Variants in GRM8 observed in about 807,000 individuals in gnomAD.
GRM8 encodes the protein metabotropic glutamate receptor 8.
A neutral mutation model predicts 87.2 loss-of-function variants in GRM8; 47 were observed. The observed-to-expected ratio is 0.54, with a 90% CI of 0.43 to 0.69. The LOEUF (loss-of-function observed/expected upper bound fraction) is 0.69, where lower values mean the gene tolerates loss of function less well. Among genes scored for constraint, GRM8 ranks in the 30% least tolerant of loss-of-function variants. The pLI is 0.00. For synonymous variants in GRM8, 396 were observed against 404.5 expected (o/e 0.98, Z 0.25); for missense variants, 1,019 against 1,139.2 (o/e 0.89, Z 1.52).
intron 3 of GRM8, among the ~76,000 whole-genome samples, chr7:126,964,851 C>T (rs1011180417): frequency 3.3e-5 from 5 of 152,164 alleles, no homozygotes; most frequent in South Asian, 2.1e-4. Context: ...TGTAAACACA[C>T]ATGCACACAT....
chr7:126,610,863 A>G (rs1439449557), intron 7 of GRM8, among the ~76,000 whole-genome samples: 3 of 152,246 alleles, frequency 2.0e-5, no homozygotes, highest in African/African-American at 7.2e-5. Flanking sequence ...GACATCTGGT[A>G]TCATCAGGAA....
chr7:126,591,038 A>G (rs1323432160), intron 8 of GRM8, among the ~76,000 whole-genome samples: 5 of 152,140 alleles, frequency 3.3e-5, no homozygotes, highest in Admixed American at 3.3e-4. Flanking sequence ...CAATACCAAC[A>G]TTGAATGTAA....
At chr7:127,019,433 T>A (rs1388614416) in intron 3 of GRM8, among the ~76,000 whole-genome samples, 1 of 152,106 alleles carries the variant, frequency 6.6e-6, no homozygotes. Context: ...TTATTTATCA[T>A]AAGTAACATG....
chr7:126,640,051 A>G (rs776330408), intron 7 of GRM8, among the ~76,000 whole-genome samples: 15 of 152,370 alleles, frequency 9.8e-5, no homozygotes, highest in Non-Finnish European at 1.8e-4. Context: ...TAACCAGAAC[A>G]CACAGACCAT....
At chr7:126,440,513 C>A (rs531013016) in intron 10 of GRM8, among the ~76,000 whole-genome samples, 21 of 151,822 alleles carry the variant, frequency 1.4e-4, no homozygotes, top group Non-Finnish European at 2.5e-4. Context: ...ACTTCTAGTC[C>A]TACAAGCTCC....
chr7:126,442,003 TGA>T (rs1801522598), intron 10 of GRM8, among the ~76,000 whole-genome samples: 1 of 43,736 alleles, frequency 2.3e-5, no homozygotes, highest in African/African-American at 1.4e-4. Context: ...GCAAAATGCG[TGA>T]AAAAAAAAAA....
At chr7:126,674,830 G>C (rs1806768225) in intron 7 of GRM8, among the ~76,000 whole-genome samples, 1 of 152,016 alleles carries the variant, frequency 6.6e-6, no homozygotes, top group Non-Finnish European at 1.5e-5. Context: ...AATAATAGGG[G>C]GAAAAAAGAA....
chr7:126,441,565 G>A (rs1310628317), intron 10 of GRM8, among the ~76,000 whole-genome samples: 1 of 151,994 alleles, frequency 6.6e-6, no homozygotes, highest in Non-Finnish European at 1.5e-5. Context: ...ACTTTAAAAA[G>A]CAAAGAATGT....
chr7:127,246,958 CAGA>C (rs1798613617), intron 1 of GRM8, among the ~76,000 whole-genome samples: 1 of 152,224 alleles, frequency 6.6e-6, no homozygotes, highest in Non-Finnish European at 1.5e-5. Flanking sequence ...TCATCTGTCC[CAGA>C]AGGTGGGTCC....
chr7:127,156,645 G>A (rs1792749663), intron 2 of GRM8, among the ~76,000 whole-genome samples: 1 of 152,126 alleles, frequency 6.6e-6, no homozygotes. Context: ...ACTGATACCT[G>A]AAGCAGACAA....
intron 2 of GRM8, among the ~76,000 whole-genome samples, chr7:127,190,936 T>G (rs1325813600): frequency 6.6e-6 from 1 of 152,214 alleles, no homozygotes; most frequent in East Asian, 1.9e-4. Flanking sequence ...AACACTTTTA[T>G]GAGCTACTAA....
chr7:126,487,655 A>G (rs1807535306), intron 9 of GRM8, among the ~76,000 whole-genome samples: 1 of 151,938 alleles, frequency 6.6e-6, no homozygotes, highest in Non-Finnish European at 1.5e-5. Flanking sequence ...ATTTCCTAAT[A>G]TCATACATTT....
At chr7:126,814,947 C>T (rs1454305341) in intron 6 of GRM8, among the ~76,000 whole-genome samples, 1 of 152,036 alleles carries the variant, frequency 6.6e-6, no homozygotes, top group African/African-American at 2.4e-5. Flanking sequence ...AACAAATCAA[C>T]CTAAGACTTT....
At chr7:127,084,778 T>C (rs1174817256) in intron 3 of GRM8, 1 of 152,216 alleles carries the variant, frequency 6.6e-6, no homozygotes, top group African/African-American at 2.4e-5. Flanking sequence ...CAGGAGTCAC[T>C]GCTACTGAAG....
intron 7 of GRM8, among the ~76,000 whole-genome samples, chr7:126,736,609 C>T (rs1240906605): frequency 1.3e-5 from 2 of 152,008 alleles, no homozygotes; most frequent in Non-Finnish European, 2.9e-5. Flanking sequence ...ATATTTCTAA[C>T]CTTTGCTACT....
At chr7:127,216,838 T>C (rs1796586496) in intron 2 of GRM8, among the ~76,000 whole-genome samples, 1 of 152,198 alleles carries the variant, frequency 6.6e-6, no homozygotes, top group African/African-American at 2.4e-5. Flanking sequence ...TAGAATATTC[T>C]TAGTTCTTTA....
At chr7:127,000,196 AATTG>A (rs1813588843) in intron 3 of GRM8, among the ~76,000 whole-genome samples, 1 of 124,978 alleles carries the variant, frequency 8.0e-6, no homozygotes, top group South Asian at 2.7e-4. Context: ...AAATTAAAAC[AATTG>A]AACTCATGGA....
chr7:127,058,679 T>G (rs2132559097), intron 3 of GRM8, among the ~76,000 whole-genome samples: 1 of 152,270 alleles, frequency 6.6e-6, no homozygotes, highest in African/African-American at 2.4e-5. Context: ...CAGTCAATAG[T>G]TTTGACTACA....
chr7:126,614,157 C>T (rs1012975084), intron 7 of GRM8, among the ~76,000 whole-genome samples: 4 of 152,104 alleles, frequency 2.6e-5, no homozygotes, highest in African/African-American at 4.8e-5. Context: ...CTCACACGGC[C>T]GGGTACCCTT....
Sources: allele counts gnomAD v4.1 joint callset (sites outside exome capture counted in the v4.1 genomes callset), GRCh38; gene constraint gnomAD v4.1.1; transcripts MANE v1.5; gene names NCBI Gene and HGNC (gene_info 2026-07-23, HGNC 2026-07-21).